MALRD1: variants seen among roughly 807,000 people sequenced by gnomAD.
MALRD1 encodes MAM and LDL receptor class A domain containing 1.
In MALRD1, 247 loss-of-function variants were observed where a neutral mutation model predicts 242.1. That is an observed-to-expected ratio of 1.02 (90% CI 0.92 to 1.13). MALRD1 has a LOEUF of 1.13. Ranked by LOEUF, MALRD1 falls within the 50% of genes most tolerant of loss-of-function variation. The probability of loss-of-function intolerance (pLI) is 0.00; values close to 1 mark genes in which losing one functional copy is unlikely to be tolerated. For synonymous variants in MALRD1, 995 were observed against 866.6 expected (o/e 1.15, Z -2.60); for missense variants, 2,989 against 2,533.1 (o/e 1.18, Z -3.86).
intron 36 of MALRD1, among the ~76,000 whole-genome samples, chr10:19,663,974 G>A (rs1193905672): frequency 6.6e-6 from 1 of 151,984 alleles, no homozygotes; most frequent in Admixed American, 6.6e-5. Flanking sequence ...TTGCCAGGCA[G>A]GGACATACAA....
intron 18 of MALRD1, among the ~76,000 whole-genome samples, chr10:19,249,135 CAAATG>C (rs776861229): frequency 2.7e-5 from 4 of 150,760 alleles, no homozygotes; most frequent in Admixed American, 2.0e-4. Context: ...ATTCATCTAA[CAAATG>C]AAATTGATAT....
In MALRD1 at chr10:19,283,082, A is replaced by C; in HGVS notation, c.3320A>C (p.His1107Pro). ...AAATGGTATCAACCAATCCCAGTAC[A>C]TTTGCTTCAAGATTCAAACACATTC... The part of the protein sequence containing the change: ...LCKWYQPIPV[H>P]LLQDSNTFRW... Residue 1107 changes from histidine to proline, a missense_variant, in exon 21 of 40, where the codon CAT becomes CCT. His to Pro is a moderately conservative substitution (Grantham distance 77). Transcript: ENST00000454679. The C allele has an allele frequency of 6.5e-7, 1 of 1,550,190 alleles. No homozygotes were observed. The highest frequency in any genetic ancestry group is 8.7e-7 in the Non-Finnish European group (1 of 1,146,694).
chr10:19,238,506 A>G (rs12256703), intron 18 of MALRD1, among the ~76,000 whole-genome samples: 1 of 36,972 alleles, frequency 2.7e-5, no homozygotes, highest in African/African-American at 1.4e-4. Flanking sequence ...ATAATATAAT[A>G]TATAATGTAT....
At chr10:19,421,059 A>G (rs1055159002) in intron 28 of MALRD1, among the ~76,000 whole-genome samples, 5 of 152,164 alleles carry the variant, frequency 3.3e-5, no homozygotes, top group African/African-American at 1.2e-4. Flanking sequence ...ATTCCCAAGG[A>G]TATGTGGGGC....
At chr10:19,729,975 G>A (rs1418075282) in intron 38 of MALRD1, among the ~76,000 whole-genome samples, 3 of 151,372 alleles carry the variant, frequency 2.0e-5, no homozygotes, top group African/African-American at 7.3e-5. Flanking sequence ...CTGACCTCGT[G>A]ATCCGCCCGC....
intron 21 of MALRD1, among the ~76,000 whole-genome samples, chr10:19,304,557 A>C (rs1220911469): frequency 2.0e-5 from 3 of 151,662 alleles, no homozygotes; most frequent in Non-Finnish European, 4.4e-5. Context: ...TTGAAAAGCA[A>C]CTCTAAATTT....
At chr10:19,106,884 G>T (rs1026433421) in intron 5 of MALRD1, among the ~76,000 whole-genome samples, 12 of 151,718 alleles carry the variant, frequency 7.9e-5, no homozygotes, top group Non-Finnish European at 1.5e-4. Flanking sequence ...TTTCATCATT[G>T]GCTTATTTTG....
intron 29 of MALRD1, among the ~76,000 whole-genome samples, chr10:19,469,229 T>A (rs1589126266): frequency 1.3e-5 from 2 of 152,150 alleles, no homozygotes; most frequent in Admixed American, 6.5e-5. Context: ...ATGTTCCCCT[T>A]AGTTACTCCA....
intron 33 of MALRD1, among the ~76,000 whole-genome samples, chr10:19,589,838 G>C (rs183805529): frequency 1.3e-5 from 2 of 152,242 alleles, no homozygotes; most frequent in Admixed American, 1.3e-4. Flanking sequence ...TATCAACACA[G>C]AATGTGCTAT....
intron 33 of MALRD1, among the ~76,000 whole-genome samples, chr10:19,591,585 G>A (rs894362377): frequency 3.2e-4 from 46 of 145,642 alleles, no homozygotes; most frequent in African/African-American, 1.1e-3. Context: ...TGCAACCTTC[G>A]CCTCCTCGGT....
chr10:19,363,287 T>C (rs1265464637), intron 26 of MALRD1, among the ~76,000 whole-genome samples: 1 of 152,092 alleles, frequency 6.6e-6, no homozygotes, highest in Non-Finnish European at 1.5e-5. Context: ...AACTAAGCCC[T>C]GGGACATTCA....
intron 5 of MALRD1, among the ~76,000 whole-genome samples, chr10:19,115,674 G>A (rs1836846544): frequency 6.6e-6 from 1 of 151,924 alleles, no homozygotes; most frequent in South Asian, 2.1e-4. Context: ...TCAGGAGTTC[G>A]AGACCAACCT....
intron 29 of MALRD1, among the ~76,000 whole-genome samples, chr10:19,459,855 T>C (rs955287484): frequency 2.6e-5 from 4 of 151,600 alleles, no homozygotes. Flanking sequence ...ACTTGGTTCA[T>C]TTACATTATT....
intron 35 of MALRD1, 23 bp downstream of exon 35, chr10:19,607,925 T>A (rs1252476138): frequency 1.9e-6 from 3 of 1,548,372 alleles, no homozygotes; most frequent in Non-Finnish European, 2.6e-6. Context: ...CATTCAGATA[T>A]TCTTGTGATA....
chr10:19,434,355 G>T (rs564661582), intron 28 of MALRD1, among the ~76,000 whole-genome samples: 1 of 152,108 alleles, frequency 6.6e-6, no homozygotes, highest in East Asian at 1.9e-4. Flanking sequence ...ACTGACACAG[G>T]TATTTCTCCA....
chr10:19,068,302 A>G (rs1017135777), intron 2 of MALRD1, among the ~76,000 whole-genome samples: 4 of 151,486 alleles, frequency 2.6e-5, no homozygotes, highest in African/African-American at 9.7e-5. Context: ...CCTTTCTGCC[A>G]TTTTCCCTCG....
At chr10:19,526,496 G>A (rs1157253349) in intron 31 of MALRD1, among the ~76,000 whole-genome samples, 1 of 151,756 alleles carries the variant, frequency 6.6e-6, no homozygotes, top group Non-Finnish European at 1.5e-5. Context: ...AAATTTCCAG[G>A]TACATTTTTG....
At chr10:19,608,362 C>G (rs1410719156) in intron 35 of MALRD1, among the ~76,000 whole-genome samples, 1 of 152,006 alleles carries the variant, frequency 6.6e-6, no homozygotes, top group African/African-American at 2.4e-5. Flanking sequence ...AGCTTGACTT[C>G]TAAACATTTT....
intron 36 of MALRD1, among the ~76,000 whole-genome samples, chr10:19,625,288 A>G (rs934215566): frequency 1.1e-4 from 17 of 151,168 alleles, no homozygotes; most frequent in Non-Finnish European, 2.2e-4. Flanking sequence ...AAGGAAATCT[A>G]AAACTTAACT....
Sources: allele counts gnomAD v4.1 joint callset (sites outside exome capture counted in the v4.1 genomes callset), GRCh38; gene constraint gnomAD v4.1.1; transcripts MANE v1.5; gene names NCBI Gene and HGNC (gene_info 2026-07-23, HGNC 2026-07-21).